Variants in PLPPR1 observed in about 807,000 individuals in gnomAD.
The protein encoded by PLPPR1 is phospholipid phosphatase-related protein type 1.
PLPPR1 carries 10 observed loss-of-function variants against 33.1 expected under a neutral mutation model. That is an observed-to-expected ratio of 0.30 (90% CI 0.19 to 0.51). PLPPR1 has a LOEUF of 0.51. Ranked by LOEUF, PLPPR1 falls within the 20% of genes least tolerant of loss-of-function variation. The pLI is 0.97. For missense variants in PLPPR1, 304 were observed against 408.1 expected (o/e 0.74, Z 2.20); for synonymous variants, 151 against 151.0 (o/e 1.00, Z 0.00).
intron 1 of PLPPR1, chr9:101,185,162 G>C (rs578172257): frequency 1.3e-4 from 33 of 246,430 alleles, no homozygotes; most frequent in African/African-American, 7.3e-4. Context: ...CTGGGGTAAG[G>C]CACTATGCAG....
intron 1 of PLPPR1, among the ~76,000 whole-genome samples, chr9:101,058,037 T>C (rs1830298937): frequency 6.6e-6 from 1 of 152,122 alleles, no homozygotes; most frequent in Non-Finnish European, 1.5e-5. Context: ...TTCTAAGTAA[T>C]GGTGTGGCAA....
At chr9:101,299,919 T>C (rs139683144) in intron 4 of PLPPR1, among the ~76,000 whole-genome samples, 1 of 152,138 alleles carries the variant, frequency 6.6e-6, no homozygotes. Context: ...ACTCCTCTAG[T>C]AGTGACAATC....
At chr9:101,205,350 G>GA (rs1242011069) in intron 2 of PLPPR1, among the ~76,000 whole-genome samples, 1 of 152,092 alleles carries the variant, frequency 6.6e-6, no homozygotes, top group Non-Finnish European at 1.5e-5. Flanking sequence ...TATTTTTTGA[G>GA]AAAAACTATT....
intron 1 of PLPPR1, among the ~76,000 whole-genome samples, chr9:101,038,825 T>C (rs1415176783): frequency 6.6e-6 from 1 of 151,912 alleles, no homozygotes; most frequent in East Asian, 1.9e-4. Flanking sequence ...CCTGCCCATA[T>C]AACCCCTCAC....
chr9:101,227,345 T>G (rs1208479134), intron 2 of PLPPR1, among the ~76,000 whole-genome samples: 1 of 152,208 alleles, frequency 6.6e-6, no homozygotes, highest in African/African-American at 2.4e-5. Context: ...TAATCGCCAT[T>G]CTGACTGACA....
chr9:101,269,275 C>T (rs1239798815), intron 2 of PLPPR1, among the ~76,000 whole-genome samples: 2 of 152,058 alleles, frequency 1.3e-5, no homozygotes, highest in Non-Finnish European at 2.9e-5. Context: ...CCTTGACTTA[C>T]TGGCAGAAAC....
intron 2 of PLPPR1, among the ~76,000 whole-genome samples, chr9:101,201,558 TA>T (rs1216315213): frequency 2.0e-5 from 3 of 152,192 alleles, no homozygotes; most frequent in Non-Finnish European, 4.4e-5. Context: ...TTCAGTTTTC[TA>T]AACTATAAAA....
intron 2 of PLPPR1, among the ~76,000 whole-genome samples, chr9:101,240,632 C>T (rs948543934): frequency 6.6e-6 from 1 of 152,052 alleles, no homozygotes. Flanking sequence ...TTCAATCTCA[C>T]GGTTCCTTCA....
chr9:101,293,500 A>G (rs1001423427), intron 4 of PLPPR1, among the ~76,000 whole-genome samples: 1 of 152,008 alleles, frequency 6.6e-6, no homozygotes, highest in African/African-American at 2.4e-5. Flanking sequence ...CAGAATATAC[A>G]TTTTTTTCAG....
intron 1 of PLPPR1, among the ~76,000 whole-genome samples, chr9:101,081,827 T>C (rs1830623013): frequency 6.6e-6 from 1 of 152,226 alleles, no homozygotes; most frequent in African/African-American, 2.4e-5. Flanking sequence ...GGGAATCCGC[T>C]GAAGCTTGTG....
intron 1 of PLPPR1, among the ~76,000 whole-genome samples, chr9:101,063,422 CA>C (rs1026794583): frequency 2.2e-4 from 34 of 152,018 alleles, no homozygotes; most frequent in African/African-American, 8.2e-4. Flanking sequence ...CTAGTGGTGG[CA>C]CTTCCACCCA....
At chr9:101,146,497 G>A (rs1240434695) in intron 1 of PLPPR1, among the ~76,000 whole-genome samples, 1 of 152,178 alleles carries the variant, frequency 6.6e-6, no homozygotes, top group Admixed American at 6.6e-5. Context: ...AGAAAGGCAG[G>A]ATGTTTCAAA....
At chr9:101,094,620 A>T (rs1830791125) in intron 1 of PLPPR1, among the ~76,000 whole-genome samples, 1 of 152,194 alleles carries the variant, frequency 6.6e-6, no homozygotes, top group Non-Finnish European at 1.5e-5. Context: ...TTGTTGAATT[A>T]ATTCATAAAT....
At chr9:101,211,210 G>A (rs912064409) in intron 2 of PLPPR1, among the ~76,000 whole-genome samples, 1 of 152,124 alleles carries the variant, frequency 6.6e-6, no homozygotes, top group South Asian at 2.1e-4. Flanking sequence ...AGAAAAAAAG[G>A]CAGCCCCTGC....
intron 2 of PLPPR1, among the ~76,000 whole-genome samples, chr9:101,236,616 T>TTTTA (rs1827305344): frequency 6.6e-6 from 1 of 151,582 alleles, no homozygotes; most frequent in African/African-American, 2.4e-5. Flanking sequence ...TTTTTTCCTT[T>TTTTA]TTTAGTTAAC....
chr9:101,031,090 G>A (rs963286139), intron 1 of PLPPR1, among the ~76,000 whole-genome samples: 17 of 152,086 alleles, frequency 1.1e-4, no homozygotes, highest in African/African-American at 4.1e-4. Flanking sequence ...GACCTTTCCA[G>A]GAATATTTTC....
At chr9:101,213,899 C>A (rs779686229) in intron 2 of PLPPR1, among the ~76,000 whole-genome samples, 4 of 152,162 alleles carry the variant, frequency 2.6e-5, no homozygotes, top group Admixed American at 6.5e-5. Flanking sequence ...TAAATAATTT[C>A]TTTCATCAGT....
intron 1 of PLPPR1, among the ~76,000 whole-genome samples, chr9:101,136,851 T>C (rs997911254): frequency 6.6e-6 from 1 of 152,116 alleles, no homozygotes; most frequent in Admixed American, 6.6e-5. Context: ...GTGGGAATGG[T>C]TAATGGGTCT....
Position 101,167,959 on chromosome 9 carries a change from A to G in PLPPR1, c.-45-17491A>G, listed in dbSNP as rs138058429. 1.6e-4 allele frequency among the ~76,000 whole-genome samples: 24 copies of G among 152,296 alleles called. No homozygotes were observed. The East Asian group carries it at 4.4e-3, about 28-fold the overall frequency. The stretch of plus-strand genomic sequence containing the variant: ...GCAAAGGAGGAGCAAAGTCTTACAC[A>G]GTGGCAGGTAAGAGAGCTTGTGTAG... On this transcript the variant is annotated intron_variant, in intron 1 of 7. Transcript: ENST00000374874.
Sources: gnomAD v4.1 joint callset for allele counts (sites outside exome capture counted in the v4.1 genomes callset) on GRCh38, gnomAD v4.1.1 for gene constraint, MANE v1.5 for transcripts, NCBI Gene and HGNC (gene_info 2026-07-23, HGNC 2026-07-21) for gene names.